The following DHRS4L2 variants were observed in gnomAD, a reference collection of about 807,000 sequenced individuals.
DHRS4L2 encodes the protein dehydrogenase/reductase SDR family member 4-like 2.
A neutral mutation model predicts 23.9 loss-of-function variants in DHRS4L2; 22 were observed. The ratio of observed to expected loss-of-function variants is 0.92; its 90% CI spans 0.66 to 1.31. The LOEUF (loss-of-function observed/expected upper bound fraction) is 1.31. Ranked by LOEUF, DHRS4L2 falls within the 40% of genes most tolerant of loss-of-function variation. The pLI is 0.00. For missense variants in DHRS4L2, 385 were observed against 303.3 expected (o/e 1.27, Z -2.00); for synonymous variants, 141 against 123.7 (o/e 1.14, Z -0.93).
intron 2 of DHRS4L2, among the ~76,000 whole-genome samples, chr14:23,993,397 G>C (rs1324856830): frequency 1.3e-5 from 2 of 151,718 alleles, no homozygotes; most frequent in Admixed American, 6.6e-5. Flanking sequence ...TTAGCACCTA[G>C]TTAACAAGAA....
In DHRS4L2 at chr14:23,971,167, GT is replaced by G. The variant is rs1176148979; in HGVS notation, c.-176+837del. ...GAATAAGTTTGATAACTTGACAGAA[GT>G]TAAGCTTCAGAAGGTCAGTAATAAC... On this transcript the variant is annotated intron_variant, in intron 1 of 5. Coordinates refer to the DHRS4L2 transcript ENST00000534993. 3.9e-5 allele frequency among the ~76,000 whole-genome samples: 6 copies of G among 152,018 alleles called. No individual in the cohort carries two copies. The East Asian group carries it at 7.7e-4, about 19-fold the overall frequency.
chr14:23,985,233 A>G (rs2034119013), upstream of DHRS4L2, among the ~76,000 whole-genome samples: 1 of 151,704 alleles, frequency 6.6e-6, no homozygotes, highest in Admixed American at 6.6e-5. Context: ...TGAGTTGGTC[A>G]CGACCCTCAG....
At chr14:23,990,061 G>C (rs762196047) in intron 1 of DHRS4L2, 121 bp from the exon 2 acceptor site, 2 of 1,471,124 alleles carry the variant, frequency 1.4e-6, no homozygotes, top group Non-Finnish European at 1.8e-6. Context: ...GTAGGCACAC[G>C]TAGGAGTTAT....
chr14:24,002,147 A>C, intron 6 of DHRS4L2, among the ~76,000 whole-genome samples: 5 of 86,728 alleles, frequency 5.8e-5, no homozygotes, highest in Middle Eastern at 4.7e-3. Flanking sequence ...CGACCCCACC[A>C]CAGTCCCCAG....
chr14:24,001,645 A>G, intron 6 of DHRS4L2, 128 bp downstream of exon 6: 3 of 1,393,398 alleles, frequency 2.2e-6, no homozygotes, highest in Middle Eastern at 2.2e-4. Flanking sequence ...ACTTTCCCAT[A>G]TTCCCTCTCT....
At chr14:23,994,129 T>G (rs2034327499) in intron 2 of DHRS4L2, among the ~76,000 whole-genome samples, 1 of 151,812 alleles carries the variant, frequency 6.6e-6, no homozygotes, top group Non-Finnish European at 1.5e-5. Context: ...GGTAACTTTC[T>G]TCAGCTCTAT....
chr14:24,001,015 G>T lies in DHRS4L2; in HGVS notation c.480-18G>T. On this transcript the variant is annotated intron_variant, in intron 4 of 7. Transcript: ENST00000335125. ...GTGGTCCACACTGGGAAGACGGTCA[G>T]CTCTCTTCTTTTTCCAGAGGCGGCT... 2 of 1,611,564 alleles carry T rather than the reference G, an allele frequency of 1.2e-6. No individual in the cohort carries two copies. The highest frequency in any genetic ancestry group is 1.7e-6 in the Non-Finnish European group (2 of 1,179,494).
At chr14:24,001,231 C>G (rs1166801157) in intron 5 of DHRS4L2, 147 bp downstream of exon 5, 2 of 1,578,170 alleles carry the variant, frequency 1.3e-6, no homozygotes, top group East Asian at 4.5e-5. Context: ...CTCCACAAAC[C>G]ATAACCTAGG....
chr14:23,988,657 G>A, upstream of DHRS4L2: 2 of 566,816 alleles, frequency 3.5e-6, no homozygotes, highest in Non-Finnish European at 2.6e-6. Context: ...CAAAGTCTGC[G>A]GGTTCCTGCG....
At chr14:23,982,089 G>A (rs942342533) in intron 1 of DHRS4L2, among the ~76,000 whole-genome samples, 5 of 151,732 alleles carry the variant, frequency 3.3e-5, no homozygotes, top group African/African-American at 1.2e-4. Flanking sequence ...CGGGCTGGGG[G>A]ACGGTCAGGG....
intron 1 of DHRS4L2, among the ~76,000 whole-genome samples, chr14:23,972,231 C>A (rs1317161165): frequency 6.6e-6 from 1 of 151,806 alleles, no homozygotes; most frequent in Non-Finnish European, 1.5e-5. Flanking sequence ...GGAGTTTGTT[C>A]CTTCTGATGT....
chr14:24,004,683 G>A, intron 7 of DHRS4L2: 1 of 565,104 alleles, frequency 1.8e-6, no homozygotes. Flanking sequence ...AGCATCCATG[G>A]AGACCAGGGA....
chr14:23,973,046 C>T lies in DHRS4L2; in HGVS notation c.-176+2714C>T, dbSNP rs202220074. ...ACAAATGTACAATCGGGATTTATACCGAGACATTTAGTTCCCATGGGCAGG... is the reference window on the plus strand; with the variant it reads ...ACAAATGTACAATCGGGATTTATACTGAGACATTTAGTTCCCATGGGCAGG... On this transcript the variant is annotated intron_variant, in intron 1 of 5. Transcript: ENST00000534993. 5.1e-4 allele frequency among the ~76,000 whole-genome samples: 78 copies of T among 151,984 alleles called. 2 individuals are homozygous for T. The highest frequency in any genetic ancestry group is 2.7e-3 in the South Asian group (13 of 4,794).
At chr14:23,989,554 G>T (rs372372802) in intron 1 of DHRS4L2, among the ~76,000 whole-genome samples, 1 of 151,432 alleles carries the variant, frequency 6.6e-6, no homozygotes, top group Admixed American at 6.6e-5. Context: ...GTACATCTGG[G>T]CCTACCTTGC....
At chr14:24,005,427 A>G (rs2034553124) in intron 7 of DHRS4L2, among the ~76,000 whole-genome samples, 1 of 152,172 alleles carries the variant, frequency 6.6e-6, no homozygotes, top group African/African-American at 2.4e-5. Flanking sequence ...CACTAAATGA[A>G]CATGACTTTA....
intron 2 of DHRS4L2, among the ~76,000 whole-genome samples, chr14:23,991,645 A>AG (rs1351975894): frequency 6.6e-6 from 1 of 151,548 alleles, no homozygotes; most frequent in Admixed American, 6.6e-5. Context: ...GAAAGAGAGG[A>AG]GCACTGTCAG....
At chr14:23,984,929 C>A (rs1375091033), upstream of DHRS4L2, among the ~76,000 whole-genome samples, 1 of 151,042 alleles carries the variant, frequency 6.6e-6, no homozygotes, top group Non-Finnish European at 1.5e-5. Context: ...GGGCTCATTT[C>A]TTCTAGGGAA....
At chr14:23,998,394 C>T (rs1271287261) in intron 3 of DHRS4L2, among the ~76,000 whole-genome samples, 1 of 151,288 alleles carries the variant, frequency 6.6e-6, no homozygotes, top group Admixed American at 6.6e-5. Context: ...CAGGCATTGA[C>T]TTCTCCTCTC....
At chr14:24,001,230 C>A (rs1185968807) in intron 5 of DHRS4L2, 146 bp downstream of exon 5, 6 of 1,578,154 alleles carry the variant, frequency 3.8e-6, no homozygotes, top group African/African-American at 1.4e-5. Flanking sequence ...CCTCCACAAA[C>A]CATAACCTAG....
Sources: gnomAD v4.1 joint callset for allele counts (sites outside exome capture counted in the v4.1 genomes callset) on GRCh38, gnomAD v4.1.1 for gene constraint, MANE v1.5 for transcripts, NCBI Gene and HGNC (gene_info 2026-07-23, HGNC 2026-07-21) for gene names.